Variants in PPP1R13L observed in about 807,000 individuals in gnomAD.
PPP1R13L encodes relA-associated inhibitor.
A neutral mutation model predicts 80.9 loss-of-function variants in PPP1R13L; 50 were observed. The ratio of observed to expected loss-of-function variants is 0.62; its 90% CI spans 0.49 to 0.78. The LOEUF is 0.78. Among genes scored for constraint, PPP1R13L ranks in the 30% least tolerant of loss-of-function variants. The probability of loss-of-function intolerance (pLI) is 0.00; values close to 1 mark genes in which losing one functional copy is unlikely to be tolerated. For missense variants in PPP1R13L, 1,200 were observed against 1,205.9 expected (o/e 1.00, Z 0.07); for synonymous variants, 602 against 534.3 (o/e 1.13, Z -1.75).
Position 45,392,021 on chromosome 19 carries a change from C to A in PPP1R13L, c.1674G>T (p.Gly558=). 1 of 1,541,950 alleles carries A rather than the reference C, an allele frequency of 6.5e-7. No homozygotes were observed. The highest frequency in any genetic ancestry group is 1.3e-5 in the South Asian group (1 of 79,304). ...SRLFHRHGGP[G]PGGPEPELSP... ...ACAGCTCTGGCTCCGGCCCCCCGGGCCCTGGCCCCCCATGACGATGGAAGA... is the reference window on the plus strand; with the variant it reads ...ACAGCTCTGGCTCCGGCCCCCCGGGACCTGGCCCCCCATGACGATGGAAGA... The change falls in exon 8 of 13, where the codon GGG becomes GGT. Residue 558 remains glycine, a synonymous_variant. Coordinates refer to ENST00000360957, the MANE Select transcript of PPP1R13L (RefSeq NM_006663.4).
At chr19:45,398,436 A>G (rs1367782515) in intron 1 of PPP1R13L, 97 bp from the exon 2 acceptor site, 7 of 1,192,876 alleles carry the variant, frequency 5.9e-6, no homozygotes, top group African/African-American at 4.6e-5. Context: ...CAACGCCTCA[A>G]CTCAGTTCCT....
intron 1 of PPP1R13L, among the ~76,000 whole-genome samples, chr19:45,402,302 C>A (rs1408158619): frequency 6.6e-6 from 1 of 152,160 alleles, no homozygotes; most frequent in Non-Finnish European, 1.5e-5. Flanking sequence ...AGGCTGGTCT[C>A]GAACTCCTAG....
At chr19:45,402,335 C>T (rs753653378) in intron 1 of PPP1R13L, among the ~76,000 whole-genome samples, 10 of 152,216 alleles carry the variant, frequency 6.6e-5, no homozygotes, top group African/African-American at 1.2e-4. Context: ...CTCCCCGGCT[C>T]GATCTCCCAA....
chr19:45,390,704 C>T (rs1972954440), intron 8 of PPP1R13L, among the ~76,000 whole-genome samples: 2 of 152,114 alleles, frequency 1.3e-5, no homozygotes, highest in African/African-American at 4.8e-5. Flanking sequence ...TTGTCTGTGG[C>T]TCGTCCTGCT....
rs34383186 is a variant in PPP1R13L at position 45,382,459 on chromosome 19, T to C, written c.2448+68A>G. 4,840 of 1,545,062 alleles carry C rather than the reference T, an allele frequency of 3.1e-3. 132 individuals carry two copies. In the African/African-American group the frequency reaches 0.057, roughly 18 times the overall value. On this transcript the variant is annotated intron_variant, in intron 12 of 12. Coordinates refer to ENST00000360957, the MANE Select transcript of PPP1R13L (RefSeq NM_006663.4). ...TGTTCCTGTTGCCTCTTCTTTTTCC[T>C]GTGGGATCCCCCTTTTCCCCAACCC...
In PPP1R13L at chr19:45,396,537, G is replaced by A. The variant is rs1391623529; in HGVS notation, c.712+8C>T. The A allele has an allele frequency of 1.3e-6, 2 of 1,572,608 alleles. No homozygotes were observed. Among genetic ancestry groups the A allele is most frequent in the African/African-American group, 2.7e-5 (2 of 73,494 alleles). ...GTCAAAGGCCCCGCGAGGGGCCCCT[G>A]GGTTCACCTTGCGCGCGCAGAGGCG... On this transcript the variant is annotated splice_region_variant and intron_variant, in intron 4 of 12. Coordinates refer to ENST00000360957, the MANE Select transcript of PPP1R13L (RefSeq NM_006663.4). This position sits in a 1 kb window ranked among gnomAD's most constrained non-coding sequence, Gnocchi z 5.3.
intron 1 of PPP1R13L, among the ~76,000 whole-genome samples, chr19:45,401,380 A>T (rs567147253): frequency 8.7e-5 from 13 of 149,648 alleles, no homozygotes; most frequent in African/African-American, 3.2e-4. Context: ...AAAAATTTGT[A>T]GAGACAGGGG....
intron 1 of PPP1R13L, among the ~76,000 whole-genome samples, chr19:45,402,655 CG>C (rs1973256728): frequency 1.3e-5 from 2 of 152,198 alleles, no homozygotes; most frequent in African/African-American, 4.8e-5. Flanking sequence ...TGGCGCGGGC[CG>C]TGTGTCTGTT....
chr19:45,393,362 G>A (rs1351929502), intron 7 of PPP1R13L, among the ~76,000 whole-genome samples: 2 of 151,450 alleles, frequency 1.3e-5, no homozygotes, highest in African/African-American at 4.9e-5. Flanking sequence ...AGGCTGAGGT[G>A]GGTGGATCAC....
intron 8 of PPP1R13L, among the ~76,000 whole-genome samples, chr19:45,389,298 TG>T (rs111570775): frequency 5.3e-5 from 8 of 152,210 alleles, no homozygotes; most frequent in African/African-American, 4.8e-5. Context: ...ATAGGCATTT[TG>T]GGGGGGTCCA....
chr19:45,398,585 C>CTTTTT (rs113649282), intron 1 of PPP1R13L, among the ~76,000 whole-genome samples: 67 of 136,478 alleles, frequency 4.9e-4, no homozygotes, highest in African/African-American at 7.8e-4. Flanking sequence ...TTTTTCTTTT[C>CTTTTT]TTTTTTTTTT....
chr19:45,382,896 C>T (rs934346806), intron 11 of PPP1R13L, among the ~76,000 whole-genome samples, 170 bp from the exon 12 acceptor site: 1 of 152,036 alleles, frequency 6.6e-6, no homozygotes, highest in African/African-American at 2.4e-5. Context: ...AGTCAGATGC[C>T]GGGACTGGCC....
intron 7 of PPP1R13L, 100 bp downstream of exon 7, chr19:45,395,336 G>A: frequency 3.5e-6 from 5 of 1,446,386 alleles, no homozygotes; most frequent in Non-Finnish European, 4.7e-6. Flanking sequence ...TTGTAAAGAG[G>A]CATTTGGCTG....
Position 45,396,680 on chromosome 19 carries a change from G to T in PPP1R13L, c.577C>A (p.Pro193Thr), listed in dbSNP as rs552126457. ...SPRGSPLAEG[P>T]QAFFPERGPS... The stretch of plus-strand genomic sequence containing the variant: ...CCACGCTCGGGGAAGAAGGCCTGGG[G>T]CCCCTCCGCCAGGGGGCTGCCGCGG... The change falls in exon 4 of 13, where the codon CCC (proline) becomes ACC (threonine). Residue 193 changes from proline to threonine, a missense_variant. Pro to Thr is a conservative substitution (Grantham distance 38). Transcript: ENST00000360957. The surrounding 1 kb of genome is among the most constrained non-coding windows in gnomAD (Gnocchi z 5.3). 4.4e-5 allele frequency: 63 copies of T among 1,434,464 alleles called. No homozygotes were observed. The South Asian group carries it at 8.6e-4, about 20-fold the overall frequency. 88.9% of individuals were successfully genotyped at this position (1,434,464 alleles called of 1,614,324 possible).
chr19:45,397,872 C>T (rs1193158906), intron 3 of PPP1R13L, 133 bp downstream of exon 3: 32 of 1,223,498 alleles, frequency 2.6e-5, no homozygotes, highest in Non-Finnish European at 3.5e-5. Flanking sequence ...GGCCTGGTCC[C>T]CTTTTTTCAA....
Position 45,397,071 on chromosome 19 carries a change from C to G in PPP1R13L, c.199-13G>C. The G allele has an allele frequency of 7.7e-7, 1 of 1,299,208 alleles. No individual in the cohort carries two copies. Among genetic ancestry groups the G allele is most frequent in the Non-Finnish European group, 9.8e-7 (1 of 1,023,952 alleles). 80.5% of individuals were successfully genotyped at this position (1,299,208 alleles called of 1,614,324 possible). A position where few individuals can be genotyped will look rare whatever the true frequency, so the allele number is the denominator to read the frequency against. ...TGTACCGGGGCGGCTGTGGGGAGGC[C>G]AGGGCATTGAGGGATGGATCAAAGG... On this transcript the variant is annotated splice_polypyrimidine_tract_variant and intron_variant, in intron 3 of 12. Coordinates refer to ENST00000360957, the MANE Select transcript of PPP1R13L (RefSeq NM_006663.4).
chr19:45,389,724 C>T (rs897207826), intron 8 of PPP1R13L, among the ~76,000 whole-genome samples: 2 of 152,162 alleles, frequency 1.3e-5, no homozygotes, highest in Non-Finnish European at 2.9e-5. Flanking sequence ...GCAGGAGAAT[C>T]ACTTTAACCC....
At position 45,385,916 on chromosome 19, in the gene PPP1R13L, G is replaced by A. The variant is rs761875282; in HGVS notation, c.1989C>T (p.Ala663=). The change falls in exon 10 of 13, where the codon GCC becomes GCT. Residue 663 remains alanine (A), a synonymous_variant. Coordinates refer to ENST00000360957, the MANE Select transcript of PPP1R13L (RefSeq NM_006663.4). The part of the protein sequence containing the change: ...PSQPNEEGIT[A]LHNAICGANY... ...TGGCGCCGCAGATGGCGTTGTGCAA[G>A]GCAGTGATGCCCTCCTCGTTGGGCT... 5 of 1,612,238 alleles carry A rather than the reference G, an allele frequency of 3.1e-6. No individual in the cohort carries two copies. The African/African-American group carries it at 6.7e-5, about 22-fold the overall frequency.
rs765196918 is a variant in PPP1R13L at position 45,397,008 on chromosome 19, C to T, written c.249G>A (p.Gly83=). Reference sequence around the variant, plus strand: ...CGTCGGTGGCCGCCTTCCGGGGGGACCCTCGGCTGCCGAAGGGCTCAGGGA... The same window carrying T: ...CGTCGGTGGCCGCCTTCCGGGGGGATCCTCGGCTGCCGAAGGGCTCAGGGA... ...SSIPEPFGSR[G]SPRKAATDGA... The change falls in exon 4 of 13, where the codon GGG becomes GGA. Residue 83 remains glycine, a synonymous_variant. Transcript: ENST00000360957. 8.8e-6 allele frequency: 12 copies of T among 1,369,888 alleles called. No homozygotes were observed. Among genetic ancestry groups the T allele is most frequent in the Non-Finnish European group, 1.1e-5 (12 of 1,063,720 alleles). 84.9% of individuals were successfully genotyped at this position (1,369,888 alleles called of 1,614,324 possible).
Sources: gnomAD v4.1 joint callset for allele counts (sites outside exome capture counted in the v4.1 genomes callset) on GRCh38, gnomAD v4.1.1 for gene constraint, Gnocchi (gnomAD v3.1) non-coding constraint, MANE v1.5 for transcripts, NCBI Gene and HGNC (gene_info 2026-07-23, HGNC 2026-07-21) for gene names.